The following PCBP3 variants were observed in gnomAD, a reference collection of about 807,000 sequenced individuals.
PCBP3 encodes poly(rC) binding protein 3.
A neutral mutation model predicts 52.7 loss-of-function variants in PCBP3; 25 were observed. That is an observed-to-expected ratio of 0.47 (90% CI 0.35 to 0.66). The LOEUF is 0.66. Ranked by LOEUF, PCBP3 falls within the 30% of genes least tolerant of loss-of-function variation. The pLI is 0.01. For missense variants in PCBP3, 391 were observed against 490.3 expected (o/e 0.80, Z 1.91); for synonymous variants, 162 against 183.0 (o/e 0.89, Z 0.93).
chr21:45,823,623 C>T (rs1309657907), intron 4 of PCBP3, among the ~76,000 whole-genome samples: 2 of 152,168 alleles, frequency 1.3e-5, no homozygotes, highest in African/African-American at 2.4e-5. Context: ...GGGTGGCCGA[C>T]GGGTTCCTGC....
chr21:45,697,637 C>T (rs535530986), intron 2 of PCBP3, among the ~76,000 whole-genome samples: 142 of 151,576 alleles, frequency 9.4e-4, no homozygotes, highest in Middle Eastern at 6.8e-3. Flanking sequence ...CCAAGCTACT[C>T]GGAAGGCTGA....
chr21:45,701,098 A>G (rs1402706639), intron 2 of PCBP3, among the ~76,000 whole-genome samples: 1 of 152,242 alleles, frequency 6.6e-6, no homozygotes, highest in Non-Finnish European at 1.5e-5. Flanking sequence ...AAATTCTGAT[A>G]TCAATTTCTA....
At chr21:45,790,113 T>C (rs1302606542) in intron 4 of PCBP3, among the ~76,000 whole-genome samples, 1 of 152,010 alleles carries the variant, frequency 6.6e-6, no homozygotes, top group African/African-American at 2.4e-5. Context: ...GCACTCCAGC[T>C]TGGGCGACTG....
At chr21:45,697,980 C>T (rs1261012992) in intron 2 of PCBP3, among the ~76,000 whole-genome samples, 1 of 151,976 alleles carries the variant, frequency 6.6e-6, no homozygotes, top group Non-Finnish European at 1.5e-5. Flanking sequence ...GCTGAGTCCC[C>T]ATCTGGCCCA....
chr21:45,651,030 G>C (rs185755371), intron 1 of PCBP3, among the ~76,000 whole-genome samples: 2 of 152,266 alleles, frequency 1.3e-5, no homozygotes, highest in East Asian at 3.9e-4. Flanking sequence ...GATTCTTCCC[G>C]TCAAGGCTTC....
At chr21:45,691,400 C>CATATATATATTATATATATATAAA (rs1569121220) in intron 2 of PCBP3, among the ~76,000 whole-genome samples, 4 of 136,894 alleles carry the variant, frequency 2.9e-5, no homozygotes, top group African/African-American at 1.1e-4. Flanking sequence ...ATATATATAT[C>CATATATATATTATATATATATAAA]TCATATATAT....
chr21:45,935,672 T>A (rs1400567287), intron 16 of PCBP3, among the ~76,000 whole-genome samples: 1 of 152,216 alleles, frequency 6.6e-6, no homozygotes, highest in Non-Finnish European at 1.5e-5. Flanking sequence ...TGGACCCACC[T>A]GCAGTATTAT....
At chr21:45,865,900 C>T (rs1482655619) in intron 5 of PCBP3, among the ~76,000 whole-genome samples, 1 of 152,186 alleles carries the variant, frequency 6.6e-6, no homozygotes, top group Non-Finnish European at 1.5e-5. Context: ...ACATTTTCAC[C>T]CCAGCTGAGG....
In PCBP3 at chr21:45,837,229, G is replaced by A. The variant is rs1276982908; in HGVS notation, c.-125-12732G>A. Among the ~76,000 whole-genome samples, 2 of 152,226 alleles carry A rather than the reference G, an allele frequency of 1.3e-5. No homozygotes were observed. Among genetic ancestry groups the A allele is most frequent in the Admixed American group, 6.5e-5 (1 of 15,290 alleles). On this transcript the variant is annotated intron_variant, in intron 4 of 17. Transcript: ENST00000681687. This position sits in a 1 kb window ranked among gnomAD's most constrained non-coding sequence, Gnocchi z 4.1. ...TGCCAATGCAGTGAATGTAAATAAC[G>A]TTTCACTGTGGTCTGTATCTCCCGT... is the stretch of plus-strand genomic sequence containing the variant.
rs942034297 is a variant in PCBP3, at chr21:45,902,593, C to T, written c.339+1480C>T. On this transcript the variant is annotated intron_variant, in intron 9 of 17. Coordinates refer to ENST00000681687, the MANE Select transcript of PCBP3 (RefSeq NM_001384156.1). ...GCAGACCAGCATCATGACACCAAAACAGAAACAAGAACAACCCAGTCCCCG... is the reference window on the plus strand; with the variant it reads ...GCAGACCAGCATCATGACACCAAAATAGAAACAAGAACAACCCAGTCCCCG... 2.0e-4 allele frequency among the ~76,000 whole-genome samples: 30 copies of T among 152,220 alleles called. 1 individual carries two copies. The highest frequency in any genetic ancestry group is 4.4e-5 in the Non-Finnish European group (3 of 68,038).
intron 2 of PCBP3, among the ~76,000 whole-genome samples, chr21:45,720,559 TGTGA>T (rs1383907627): frequency 6.6e-6 from 1 of 152,206 alleles, no homozygotes; most frequent in African/African-American, 2.4e-5. Context: ...ATTTAAGCAG[TGTGA>T]GTAAATTATT....
At chr21:45,845,467 C>T (rs2093787657) in intron 4 of PCBP3, among the ~76,000 whole-genome samples, 1 of 148,124 alleles carries the variant, frequency 6.8e-6, no homozygotes, top group Non-Finnish European at 1.5e-5. Context: ...GTGCCTTCAC[C>T]TGTGTATGTG....
chr21:45,786,106 G>C lies in PCBP3; in HGVS notation c.-126+30654G>C, dbSNP rs1402125387. Among the ~76,000 whole-genome samples the C allele has an allele frequency of 9.1e-5, 13 of 142,088 alleles. 1 individual carries two copies. In the South Asian group the frequency reaches 2.5e-3, roughly 28 times the overall value. The allele number at this position is 142,088 out of a possible 152,430, so 93.2% of individuals were successfully genotyped here. A position where few individuals can be genotyped will look rare whatever the true frequency, so the allele number is the denominator to read the frequency against. The stretch of plus-strand genomic sequence containing the variant: ...GTGACCCTGCCAAATCCCCCTCTGC[G>C]AGAAACACCCAAGAATGATCAATAA... On this transcript the variant is annotated intron_variant, in intron 4 of 17. Transcript: ENST00000681687.
chr21:45,841,617 A>AT (rs1290089704), intron 4 of PCBP3, among the ~76,000 whole-genome samples: 1 of 152,020 alleles, frequency 6.6e-6, no homozygotes, highest in East Asian at 1.9e-4. Flanking sequence ...GTATATTTTC[A>AT]TTATCTGCTA....
At chr21:45,809,634 CT>C (rs892220438) in intron 4 of PCBP3, among the ~76,000 whole-genome samples, 3 of 152,234 alleles carry the variant, frequency 2.0e-5, no homozygotes, top group African/African-American at 7.2e-5. Flanking sequence ...CGCTTCCCCC[CT>C]GCCGCTGCCA....
At chr21:45,744,366 T>A (rs768558095) in intron 3 of PCBP3, 5 of 152,102 alleles carry the variant, frequency 3.3e-5, no homozygotes, top group Admixed American at 6.6e-5. Flanking sequence ...AGCTAATTTT[T>A]AAAATTTTTT....
intron 3 of PCBP3, among the ~76,000 whole-genome samples, chr21:45,738,750 A>C (rs1253507008): frequency 2.2e-5 from 2 of 92,148 alleles, no homozygotes; most frequent in Admixed American, 1.5e-4. Context: ...CTTCCTGTCC[A>C]TTGTCTTCTG....
chr21:45,685,007 T>C (rs1229466783), intron 2 of PCBP3, among the ~76,000 whole-genome samples: 10 of 152,190 alleles, frequency 6.6e-5, no homozygotes, highest in African/African-American at 2.4e-4. Flanking sequence ...TCAATGTATA[T>C]CCCTGTGACT....
intron 5 of PCBP3, among the ~76,000 whole-genome samples, chr21:45,883,088 G>T (rs747161379): frequency 2.5e-4 from 38 of 152,172 alleles, no homozygotes; most frequent in Non-Finnish European, 5.3e-4. Flanking sequence ...TTTTTGATAT[G>T]CTGTGTTTTT....
Sources: gnomAD v4.1 joint callset for allele counts (sites outside exome capture counted in the v4.1 genomes callset) on GRCh38, gnomAD v4.1.1 for gene constraint, Gnocchi (gnomAD v3.1) non-coding constraint, MANE v1.5 for transcripts, NCBI Gene and HGNC (gene_info 2026-07-23, HGNC 2026-07-21) for gene names.